The following EME1 variants were observed in gnomAD, a reference collection of about 807,000 sequenced individuals.
The protein encoded by EME1 is structure-specific endonuclease subunit EME1.
In EME1, 61 loss-of-function variants were observed where a neutral mutation model predicts 59.1. The ratio of observed to expected loss-of-function variants is 1.03; its 90% CI spans 0.84 to 1.28. The LOEUF (loss-of-function observed/expected upper bound fraction) is 1.28, where lower values mean the gene tolerates loss of function less well. EME1 is among the 50% of genes most tolerant of loss of function. The pLI is 0.00. For synonymous variants in EME1, 230 were observed against 254.2 expected, an observed-to-expected ratio of 0.90 and a Z score of 0.90; for missense variants, 635 against 682.6, an observed-to-expected ratio of 0.93 and a Z score of 0.78.
At chr17:50,373,419 G>A (rs1913263606) in intron 1 of EME1, 142 bp downstream of exon 1, 2 of 584,446 alleles carry the variant, frequency 3.4e-6, no homozygotes, top group East Asian at 5.9e-5. Context: ...GTCGGGCAGG[G>A]GCCCGCTTGT....
intron 1 of EME1, 44 bp from the exon 2 acceptor site, chr17:50,375,140 GA>G (rs1253003125): frequency 6.7e-7 from 1 of 1,487,222 alleles, no homozygotes; most frequent in Non-Finnish European, 9.2e-7. Flanking sequence ...CTAGTGGACT[GA>G]ATTGAATGCT....
rs1247814525 is a variant in EME1, at chr17:50,373,288, C to A, written c.-25+11C>A. On this transcript the variant is annotated intron_variant, in intron 1 of 8. Transcript: ENST00000338165. Reference sequence around the variant, plus strand: ...CGGGAGAAGTTGCAGGTGAGCGTCCCCGGTCGCAGGCCTGCGGATTGGGCA... The same window carrying A: ...CGGGAGAAGTTGCAGGTGAGCGTCCACGGTCGCAGGCCTGCGGATTGGGCA... The A allele has an allele frequency of 1.4e-6, 2 of 1,431,384 alleles. No homozygotes were observed. Among genetic ancestry groups the A allele is most frequent in the South Asian group, 1.2e-5 (1 of 81,784 alleles). 88.7% of individuals were successfully genotyped at this position (1,431,384 alleles called of 1,614,324 possible).
chr17:50,375,987 C>A lies in EME1; in HGVS notation c.775+4C>A. ...ATCATTGTAGTGCTGGATCCAGGTC[C>A]TCACATGTGTCTTTGTCCTGTGCTG... On this transcript the variant is annotated splice_donor_region_variant and intron_variant, in intron 2 of 8. Transcript: ENST00000338165. 1 of 1,605,344 alleles carries A rather than the reference C, an allele frequency of 6.2e-7. No homozygotes were observed. Among genetic ancestry groups the A allele is most frequent in the South Asian group, 1.1e-5 (1 of 90,694 alleles).
chr17:50,376,298 C>T lies in EME1; in HGVS notation c.903+105C>T, dbSNP rs72832477. ...ACTTATCAGGGCCCCAGCAGGAAGACAGATGGCACATTCAACTCAGGGTAA... is the reference window on the plus strand; with the variant it reads ...ACTTATCAGGGCCCCAGCAGGAAGATAGATGGCACATTCAACTCAGGGTAA... On this transcript the variant is annotated intron_variant, in intron 3 of 8. Transcript: ENST00000338165. 17 of 1,491,270 alleles carry T rather than the reference C, an allele frequency of 1.1e-5. No individual in the cohort carries two copies. The African/African-American group carries it at 1.5e-4, about 13-fold the overall frequency. 92.4% of individuals were successfully genotyped at this position (1,491,270 alleles called of 1,614,324 possible). A position where few individuals can be genotyped will look rare whatever the true frequency, so the allele number is the denominator to read the frequency against.
At chr17:50,378,314 T>C (rs915634971) in intron 3 of EME1, among the ~76,000 whole-genome samples, 1 of 152,160 alleles carries the variant, frequency 6.6e-6, no homozygotes, top group African/African-American at 2.4e-5. Flanking sequence ...TCTGCCCACC[T>C]CGGCCTCCCA....
intron 3 of EME1, 39 bp from the exon 4 acceptor site, chr17:50,378,556 G>T: frequency 6.2e-7 from 1 of 1,608,272 alleles, no homozygotes; most frequent in South Asian, 1.1e-5. Flanking sequence ...AATACCTGCT[G>T]ACCTCCCTCC....
intron 1 of EME1, among the ~76,000 whole-genome samples, 151 bp downstream of exon 1, chr17:50,373,428 G>C (rs369778119): frequency 3.3e-5 from 5 of 152,336 alleles, no homozygotes; most frequent in African/African-American, 1.2e-4. Context: ...GGGCCCGCTT[G>C]TCCCACTCCC....
Position 50,380,274 on chromosome 17 carries a change from A to G in EME1, c.1347-38A>G, listed in dbSNP as rs756216090. On this transcript the variant is annotated intron_variant, in intron 7 of 8. Transcript: ENST00000338165. The stretch of plus-strand genomic sequence containing the variant: ...TTGAGGGGAACAGGTGTAGAAGAGT[A>G]ATGAGCAACTTACAGCTCTCCAACC... 3 of 1,559,242 alleles carry G rather than the reference A, an allele frequency of 1.9e-6. No homozygotes were observed. In the South Asian group the frequency reaches 3.6e-5, roughly 18 times the overall value.
At chr17:50,379,019 G>A (rs1475373861) in intron 5 of EME1, 88 bp from the exon 6 acceptor site, 1 of 1,612,576 alleles carries the variant, frequency 6.2e-7, no homozygotes, top group Non-Finnish European at 8.5e-7. Context: ...AACAAGTCCA[G>A]GGGGATGCTC....
chr17:50,373,381 G>T, intron 1 of EME1, 104 bp downstream of exon 1: 1 of 641,022 alleles, frequency 1.6e-6, no homozygotes, highest in Non-Finnish European at 2.7e-6. Flanking sequence ...CTCTGCAGCG[G>T]ACCGCCAGCC....
chr17:50,378,451 C>T (rs1913588601), intron 3 of EME1, 144 bp from the exon 4 acceptor site: 1 of 777,868 alleles, frequency 1.3e-6, no homozygotes, highest in East Asian at 2.5e-5. Flanking sequence ...GACACTGTTT[C>T]TTGCCACAGT....
intron 7 of EME1, 197 bp downstream of exon 7, chr17:50,379,764 C>T (rs2143332269): frequency 3.5e-6 from 2 of 569,950 alleles, no homozygotes; most frequent in East Asian, 5.9e-5. Flanking sequence ...AAATATTCTC[C>T]TTTCGCCTAT....
chr17:50,375,689 C>A lies in EME1; in HGVS notation c.481C>A (p.Leu161Met). 1 of 1,614,130 alleles carries A rather than the reference C, an allele frequency of 6.2e-7. No homozygotes were observed. ...PERSAADNKDLILDPCCQLPA... is the reference protein window; with the variant it reads ...PERSAADNKDMILDPCCQLPA... ...GAGGAGTGCAGCAGATAACAAGGAC[C>A]TGATCTTAGATCCATGCTGTCAGCT... Residue 161 changes from leucine to methionine, a missense_variant, in exon 2 of 9, where the codon CTG becomes ATG. Physicochemically the swap from Leu to Met is conservative, Grantham distance 15 (BLOSUM62 2). Coordinates refer to ENST00000338165, the MANE Select transcript of EME1 (RefSeq NM_152463.4).
In EME1 at chr17:50,381,020, G is replaced by A; in HGVS notation, c.*81G>A. 6.7e-7 allele frequency: 1 copy of A among 1,491,288 alleles called. No homozygotes were observed. Among genetic ancestry groups the A allele is most frequent in the Non-Finnish European group, 9.2e-7 (1 of 1,084,100 alleles). 92.4% of individuals were successfully genotyped at this position (1,491,288 alleles called of 1,614,324 possible). A position where few individuals can be genotyped will look rare whatever the true frequency, so the allele number is the denominator to read the frequency against. ...AGAGCCTGACTGTAATGAAGAGACT[G>A]GCAGCACCTCCTGGAACACAAGCCT... is the stretch of plus-strand genomic sequence containing the variant. On this transcript the variant is annotated 3_prime_UTR_variant, in exon 9 of 9. Transcript: ENST00000338165.
rs1913625373 is a variant in EME1, at chr17:50,378,866, G to A, written c.1083G>A (p.Leu361=). The A allele has an allele frequency of 6.2e-7, 1 of 1,614,102 alleles. No homozygotes were observed. The highest frequency in any genetic ancestry group is 1.3e-5 in the African/African-American group (1 of 74,934). ...AGACAGCAGGGAAAGCTCTGTCACT[G>A]GTGATTGTGGATCAGGAGAAATGCT... The part of the protein sequence containing the change: ...TAKTAGKALS[L]VIVDQEKCFS... Residue 361 remains leucine, a synonymous_variant, in exon 5 of 9, where the codon CTG becomes CTA. Coordinates refer to ENST00000338165, the MANE Select transcript of EME1 (RefSeq NM_152463.4).
intron 7 of EME1, chr17:50,380,099 A>T (rs1014214979): frequency 1.9e-6 from 1 of 521,870 alleles, no homozygotes; most frequent in African/African-American, 1.9e-5. Context: ...CTTCTACTAT[A>T]ATGGACTAGA....
At chr17:50,380,740 AAG>A in intron 8 of EME1, 21 bp from the exon 9 acceptor site, 1 of 1,613,282 alleles carries the variant, frequency 6.2e-7, no homozygotes, top group Admixed American at 1.7e-5. Context: ...GTACCATATT[AAG>A]AGGTCATCTA....
At position 50,378,914 on chromosome 17, in the gene EME1, G is replaced by A; in HGVS notation, c.1112+19G>A. On this transcript the variant is annotated intron_variant, in intron 5 of 8. Coordinates refer to ENST00000338165, the MANE Select transcript of EME1 (RefSeq NM_152463.4). Reference sequence around the variant, plus strand: ...GCTTCAGGTTTGGATTTGCCCTGGTGATTTCATGTTAAAAGGGGCAGCTCT... The same window carrying A: ...GCTTCAGGTTTGGATTTGCCCTGGTAATTTCATGTTAAAAGGGGCAGCTCT... 1 of 1,614,180 alleles carries A rather than the reference G, an allele frequency of 6.2e-7. No homozygotes were observed. The highest frequency in any genetic ancestry group is 1.1e-5 in the South Asian group (1 of 91,072).
At chr17:50,373,340 C>G (rs1427024810) in intron 1 of EME1, 63 bp downstream of exon 1, 2 of 874,778 alleles carry the variant, frequency 2.3e-6, no homozygotes, top group African/African-American at 3.4e-5. Flanking sequence ...CACCGCTCTG[C>G]AGAATCTTGG....
Sources: gnomAD v4.1 joint callset for allele counts (sites outside exome capture counted in the v4.1 genomes callset) on GRCh38, gnomAD v4.1.1 for gene constraint, MANE v1.5 for transcripts, NCBI Gene and HGNC (gene_info 2026-07-23, HGNC 2026-07-21) for gene names.